PIGG: variants seen among roughly 807,000 people sequenced by gnomAD.
PIGG encodes the protein GPI ethanolamine phosphate transferase 2, catalytic subunit.
In PIGG, 70 loss-of-function variants were observed where a neutral mutation model predicts 83.2. That is an observed-to-expected ratio of 0.84 (90% CI 0.69 to 1.03). PIGG has a LOEUF of 1.03. Among genes scored for constraint, PIGG ranks in the 50% least tolerant of loss-of-function variants. The pLI is 0.00. For missense variants in PIGG, 1,257 were observed against 1,233.6 expected, an observed-to-expected ratio of 1.02 and a Z score of -0.28; for synonymous variants, 532 against 519.5, an observed-to-expected ratio of 1.02 and a Z score of -0.33.
At chr4:538,015 C>T (rs1731098669) in intron 12 of PIGG, among the ~76,000 whole-genome samples, 1 of 150,098 alleles carries the variant, frequency 6.7e-6, no homozygotes, top group African/African-American at 2.5e-5. Context: ...TACGTGCCGA[C>T]AGGACTGAGG....
intron 12 of PIGG, among the ~76,000 whole-genome samples, chr4:535,290 T>C (rs1459645065): frequency 6.9e-6 from 1 of 144,448 alleles, no homozygotes; most frequent in Admixed American, 6.7e-5. Context: ...TTGGAAGCGT[T>C]CACAGCCTTT....
chr4:523,929 C>G lies in PIGG; in HGVS notation c.2069+16C>G, dbSNP rs144533568. ...GGCTCACCAGGTGAGAGCGTAGGCC[C>G]GTGGCCACAGGCCAGACTTTCTACG... On this transcript the variant is annotated intron_variant, in intron 9 of 12. Coordinates refer to ENST00000453061, the MANE Select transcript of PIGG (RefSeq NM_001127178.3). The G allele has an allele frequency of 6.8e-7, 1 of 1,466,982 alleles. No homozygotes were observed. The highest frequency in any genetic ancestry group is 9.1e-7 in the Non-Finnish European group (1 of 1,095,510). 90.9% of individuals were successfully genotyped at this position (1,466,982 alleles called of 1,614,324 possible).
chr4:513,302 C>T (rs892388799), intron 5 of PIGG, among the ~76,000 whole-genome samples: 2 of 152,036 alleles, frequency 1.3e-5, no homozygotes, highest in Non-Finnish European at 2.9e-5. Flanking sequence ...TAAAAATGCA[C>T]GGAAATTTTT....
chr4:510,885 G>A (rs1049664474), intron 5 of PIGG, among the ~76,000 whole-genome samples: 32 of 151,448 alleles, frequency 2.1e-4, no homozygotes, highest in African/African-American at 6.1e-4. Flanking sequence ...GTCATTGTCT[G>A]TAGATTTGCC....
chr4:525,759 A>C (rs543625993), intron 9 of PIGG: 14 of 152,374 alleles, frequency 9.2e-5, no homozygotes, highest in African/African-American at 3.1e-4. Context: ...GGGTCCTTCT[A>C]TCTGCCTGCT....
chr4:525,730 T>G (rs930438737), intron 9 of PIGG: 1 of 152,272 alleles, frequency 6.6e-6, no homozygotes, highest in African/African-American at 2.4e-5. Flanking sequence ...AAACCTCGGT[T>G]AGCCAAGTCA....
At chr4:504,857 C>G (rs1306405642) in intron 2 of PIGG, among the ~76,000 whole-genome samples, 1 of 152,090 alleles carries the variant, frequency 6.6e-6, no homozygotes, top group Non-Finnish European at 1.5e-5. Flanking sequence ...CACCTCCCAC[C>G]CCTCCCAGAA....
rs28454778 is a variant in PIGG at position 500,399 on chromosome 4, C to A, written c.158C>A (p.Ala53Asp). 2,587 of 1,611,608 alleles carry A rather than the reference C, an allele frequency of 1.6e-3. 45 individuals are homozygous for A. The African/African-American group carries it at 0.03, about 19-fold the overall frequency. Residue 53 changes from alanine to aspartate, a missense_variant, in exon 2 of 13, where the codon GCC becomes GAC. By Grantham distance (126) the Ala-to-Asp change is moderately radical. Coordinates refer to ENST00000453061, the MANE Select transcript of PIGG (RefSeq NM_001127178.3). ...TTTTTTTCTTTCAAACACTTAGGAG[C>A]CAGTTCTAACTGGACCACGCTGCCA... ...EPPAPEPSAGASSNWTTLPPP... is the reference protein window; with the variant it reads ...EPPAPEPSAGDSSNWTTLPPP...
At position 522,365 on chromosome 4, in the gene PIGG, C is replaced by T. The variant is rs1165513702; in HGVS notation, c.1614+424C>T. On this transcript the variant is annotated intron_variant, in intron 8 of 12. Coordinates refer to ENST00000453061, the MANE Select transcript of PIGG (RefSeq NM_001127178.3). Reference sequence around the variant, plus strand: ...CAGGAGGGTCAAAAGGAGACTTGGTCGCACCACTCATCCTGCCACCCCCAG... The same window carrying T: ...CAGGAGGGTCAAAAGGAGACTTGGTTGCACCACTCATCCTGCCACCCCCAG... The T allele has an allele frequency of 7.8e-5, 25 of 319,024 alleles. 2 individuals carry two copies. The South Asian group carries it at 1.4e-3, about 18-fold the overall frequency. The allele number at this position is 319,024 out of a possible 1,614,324, so 19.8% of individuals were successfully genotyped here.
chr4:528,077 C>T lies in PIGG; in HGVS notation c.2261+847C>T, dbSNP rs547618580. On this transcript the variant is annotated intron_variant, in intron 10 of 12. Transcript: ENST00000453061. This position sits in a 1 kb window ranked among gnomAD's most constrained non-coding sequence, Gnocchi z 4.8. The stretch of plus-strand genomic sequence containing the variant: ...GTGAGGTCGGTGCTCTGACAGTGAC[C>T]GTCCCAGTGAGGTCGGTGCTCTGAT... 2.9e-4 allele frequency: 290 copies of T among 985,288 alleles called. No individual in the cohort carries two copies. The highest frequency in any genetic ancestry group is 3.4e-4 in the Non-Finnish European group (282 of 829,886). 61.0% of individuals were successfully genotyped at this position (985,288 alleles called of 1,614,324 possible).
intron 8 of PIGG, chr4:522,490 G>C (rs552344790): frequency 5.2e-6 from 1 of 193,516 alleles, no homozygotes; most frequent in African/African-American, 2.3e-5. Context: ...TCGTTAGCTG[G>C]GGAGTGGTGG....
intron 3 of PIGG, 150 bp from the exon 4 acceptor site, chr4:507,255 A>T: frequency 1.6e-6 from 1 of 623,336 alleles, no homozygotes; most frequent in Non-Finnish European, 2.9e-6. Flanking sequence ...ATTTATTTTT[A>T]ATGACATAGA....
intron 5 of PIGG, among the ~76,000 whole-genome samples, chr4:511,860 T>G (rs565056067): frequency 6.6e-6 from 1 of 152,212 alleles, no homozygotes; most frequent in Non-Finnish European, 1.5e-5. Flanking sequence ...GGAGTTTTGC[T>G]GACTGTAAGA....
intron 1 of PIGG, chr4:500,185 T>G (rs1214458320): frequency 5.1e-6 from 3 of 584,232 alleles, no homozygotes; most frequent in Non-Finnish European, 3.0e-6. Context: ...ATTCACTGCT[T>G]GCTACTGTGG....
chr4:513,334 T>C (rs1274462512), intron 5 of PIGG, among the ~76,000 whole-genome samples: 1 of 152,224 alleles, frequency 6.6e-6, no homozygotes, highest in Non-Finnish European at 1.5e-5. Context: ...TTAATAAAAA[T>C]AAATGTTAAA....
At chr4:505,505 C>G (rs1294618029) in intron 2 of PIGG, among the ~76,000 whole-genome samples, 1 of 143,568 alleles carries the variant, frequency 7.0e-6, no homozygotes, top group African/African-American at 2.6e-5. Context: ...TGGTGCCACA[C>G]ACCTGTAGTT....
intron 10 of PIGG, chr4:527,972 C>T (rs1257365681): frequency 1.0e-6 from 1 of 985,268 alleles, no homozygotes; most frequent in Non-Finnish European, 1.2e-6. Context: ...GGCATGTCCA[C>T]TGAAGTGTCC....
intron 11 of PIGG, chr4:533,553 G>A (rs996424861): frequency 1.8e-5 from 9 of 503,874 alleles, no homozygotes; most frequent in African/African-American, 1.5e-4. Flanking sequence ...CTTCAGAGGG[G>A]GCCCCAGCTT....
intron 5 of PIGG, among the ~76,000 whole-genome samples, chr4:510,434 C>T (rs1553882785): frequency 6.6e-6 from 1 of 152,250 alleles, no homozygotes; most frequent in East Asian, 1.9e-4. Flanking sequence ...CCCGTAAACC[C>T]ACAGCCTTCC....
Sources: gnomAD v4.1 joint callset for allele counts (sites outside exome capture counted in the v4.1 genomes callset) on GRCh38, gnomAD v4.1.1 for gene constraint, Gnocchi (gnomAD v3.1) non-coding constraint, MANE v1.5 for transcripts, NCBI Gene and HGNC (gene_info 2026-07-23, HGNC 2026-07-21) for gene names.